Variants in EPHA6 observed in about 807,000 individuals in gnomAD.
EPHA6 encodes the protein EPH receptor A6.
A neutral mutation model predicts 112.0 loss-of-function variants in EPHA6; 50 were observed. The observed-to-expected ratio is 0.45, with a 90% confidence interval of 0.36 to 0.56. The LOEUF (loss-of-function observed/expected upper bound fraction) is 0.56, where lower values mean the gene tolerates loss of function less well. Among genes scored for constraint, EPHA6 ranks in the 20% least tolerant of loss-of-function variants. The pLI is 0.00. For synonymous variants in EPHA6, 529 were observed against 490.7 expected, an observed-to-expected ratio of 1.08 and a Z score of -1.03; for missense variants, 1,280 against 1,417.4, an observed-to-expected ratio of 0.90 and a Z score of 1.56.
chr3:97,300,168 G>A (rs752724547), intron 5 of EPHA6, among the ~76,000 whole-genome samples: 8 of 151,932 alleles, frequency 5.3e-5, no homozygotes, highest in African/African-American at 1.5e-4. Context: ...TATTATAGTC[G>A]CCTTTTATCA....
intron 15 of EPHA6, among the ~76,000 whole-genome samples, chr3:97,730,198 C>A (rs1005190007): frequency 6.6e-6 from 1 of 152,026 alleles, no homozygotes; most frequent in Non-Finnish European, 1.5e-5. Flanking sequence ...ATGTGCATTG[C>A]CTTCTTTGAT....
chr3:96,894,627 C>T (rs574679229), intron 2 of EPHA6, among the ~76,000 whole-genome samples: 1 of 151,930 alleles, frequency 6.6e-6, no homozygotes, highest in Non-Finnish European at 1.5e-5. Flanking sequence ...AGAAGACAAT[C>T]GAGTTTGTCC....
At chr3:97,116,135 T>C (rs2047879884) in intron 3 of EPHA6, among the ~76,000 whole-genome samples, 2 of 151,918 alleles carry the variant, frequency 1.3e-5, no homozygotes, top group South Asian at 4.1e-4. Context: ...TTTGCATGTG[T>C]CTTCTTTTAA....
chr3:96,837,007 A>T (rs1471124757), intron 1 of EPHA6, among the ~76,000 whole-genome samples: 1 of 152,254 alleles, frequency 6.6e-6, no homozygotes, highest in Admixed American at 6.5e-5. Flanking sequence ...CTCAGATAGG[A>T]TGAGAACTTA....
Position 97,673,448 on chromosome 3 carries a change from G to A in EPHA6, c.2784+35366G>A, listed in dbSNP as rs377077582. 1.6e-4 allele frequency among the ~76,000 whole-genome samples: 25 copies of A among 152,268 alleles called. No homozygotes were observed. The East Asian group carries it at 4.6e-3, about 28-fold the overall frequency. ...TTCACTTTTCATTTGTGGAAGATGA[G>A]GTGAATTCACAATTATTAGAATATG... On this transcript the variant is annotated intron_variant, in intron 14 of 17. Transcript: ENST00000389672.
intron 13 of EPHA6, among the ~76,000 whole-genome samples, chr3:97,626,770 G>A (rs1426810177): frequency 6.6e-6 from 1 of 151,758 alleles, no homozygotes; most frequent in African/African-American, 2.4e-5. Context: ...AATTTGCTAT[G>A]TTGGGAGTAG....
At chr3:96,954,773 C>CTTTTGTTTTTTTTTTTT (rs2041689013) in intron 2 of EPHA6, among the ~76,000 whole-genome samples, 1 of 72,646 alleles carries the variant, frequency 1.4e-5, no homozygotes, top group African/African-American at 5.5e-5. Flanking sequence ...ACTGGTGTGC[C>CTTTTGTTTTTTTTTTTT]TTTTTTTTTT....
intron 3 of EPHA6, among the ~76,000 whole-genome samples, chr3:97,162,807 C>T (rs945109506): frequency 6.6e-6 from 1 of 152,094 alleles, no homozygotes; most frequent in Admixed American, 6.6e-5. Context: ...ATGATTCAGG[C>T]TTGACTTCTG....
rs76637742 is a variant in EPHA6, at chr3:97,041,247, C to T, written c.1114+53254C>T. On this transcript the variant is annotated intron_variant, in intron 3 of 17. Transcript: ENST00000389672. ...CACCTTTTTTTAGAGCATTTATCCC[C>T]TACTTTCATATGTAATTGCCACTTG... Among the ~76,000 whole-genome samples the T allele has an allele frequency of 7.1e-3, 1,080 of 152,154 alleles. 8 individuals are homozygous for T. Among genetic ancestry groups the T allele is most frequent in the African/African-American group, 0.025 (1,025 of 41,526 alleles).
intron 3 of EPHA6, among the ~76,000 whole-genome samples, chr3:97,198,995 G>T (rs1448061298): frequency 1.3e-5 from 2 of 151,980 alleles, no homozygotes; most frequent in African/African-American, 2.4e-5. Flanking sequence ...TTTTATTTTT[G>T]AAATTAGTTT....
At chr3:97,540,681 C>T (rs2092836376) in intron 11 of EPHA6, among the ~76,000 whole-genome samples, 1 of 152,092 alleles carries the variant, frequency 6.6e-6, no homozygotes, top group Admixed American at 6.6e-5. Flanking sequence ...CATCTAGTAA[C>T]AAGTTTCTCA....
chr3:96,961,536 A>G (rs1329601738), intron 2 of EPHA6, among the ~76,000 whole-genome samples: 1 of 152,182 alleles, frequency 6.6e-6, no homozygotes, highest in Non-Finnish European at 1.5e-5. Context: ...CGCTTAATAA[A>G]TTGATGGCAC....
intron 7 of EPHA6, among the ~76,000 whole-genome samples, chr3:97,465,277 C>A (rs924537402): frequency 1.3e-5 from 2 of 151,948 alleles, no homozygotes; most frequent in Non-Finnish European, 2.9e-5. Context: ...GTGAAAAAAT[C>A]AATATGCATA....
At chr3:96,861,384 C>T (rs2035997609) in intron 1 of EPHA6, among the ~76,000 whole-genome samples, 1 of 151,172 alleles carries the variant, frequency 6.6e-6, no homozygotes, top group Non-Finnish European at 1.5e-5. Context: ...AGTGTTTTGC[C>T]CTTTTTTTTC....
chr3:97,128,127 T>C (rs1159741771), intron 3 of EPHA6, among the ~76,000 whole-genome samples: 1 of 152,192 alleles, frequency 6.6e-6, no homozygotes, highest in East Asian at 1.9e-4. Context: ...TTTTGATTCC[T>C]GAGTTACTTC....
chr3:97,644,812 A>ACTGGTTGGT (rs1560224677), intron 14 of EPHA6, among the ~76,000 whole-genome samples: 3 of 151,990 alleles, frequency 2.0e-5, no homozygotes. Context: ...TACCAACCAA[A>ACTGGTTGGT]AAGAGTCCAG....
intron 5 of EPHA6, among the ~76,000 whole-genome samples, chr3:97,357,347 C>T (rs1167212442): frequency 6.6e-6 from 1 of 152,114 alleles, no homozygotes; most frequent in Non-Finnish European, 1.5e-5. Context: ...GCTGGGATTA[C>T]AGGCATGTGC....
chr3:96,891,477 G>T (rs1035793416), intron 2 of EPHA6, among the ~76,000 whole-genome samples: 1 of 152,114 alleles, frequency 6.6e-6, no homozygotes. Flanking sequence ...CTGGGAGACC[G>T]AGATGGGCAG....
intron 2 of EPHA6, among the ~76,000 whole-genome samples, chr3:96,867,185 T>A (rs759284591): frequency 6.6e-6 from 1 of 151,896 alleles, no homozygotes; most frequent in Non-Finnish European, 1.5e-5. Context: ...TGTAAGTTTA[T>A]ATATGTTACA....
Sources: allele counts gnomAD v4.1 joint callset (sites outside exome capture counted in the v4.1 genomes callset), GRCh38; gene constraint gnomAD v4.1.1; transcripts MANE v1.5; gene names NCBI Gene and HGNC (gene_info 2026-07-23, HGNC 2026-07-21).